Variants in RHOBTB3 observed in about 807,000 individuals in gnomAD.
The protein encoded by RHOBTB3 is rho-related BTB domain-containing protein 3.
In RHOBTB3, 47 loss-of-function variants were observed where a neutral mutation model predicts 67.2. The ratio of observed to expected loss-of-function variants is 0.70; its 90% CI spans 0.55 to 0.89. The LOEUF (loss-of-function observed/expected upper bound fraction) is 0.89. Ranked by LOEUF, RHOBTB3 falls within the 40% of genes least tolerant of loss-of-function variation. RHOBTB3 has a pLI of 0.00. For missense variants in RHOBTB3, 631 were observed against 750.0 expected (o/e 0.84, Z 1.85); for synonymous variants, 273 against 274.2 (o/e 1.00, Z 0.04).
At chr5:95,748,064 G>A (rs528984815) in intron 3 of RHOBTB3, among the ~76,000 whole-genome samples, 18 of 152,208 alleles carry the variant, frequency 1.2e-4, no homozygotes, top group African/African-American at 3.4e-4. Flanking sequence ...GCAGGCCCAC[G>A]AGTACTGGTT....
At chr5:95,792,011 G>A (rs966898604) in intron 11 of RHOBTB3, among the ~76,000 whole-genome samples, 2 of 152,122 alleles carry the variant, frequency 1.3e-5, no homozygotes, top group African/African-American at 4.8e-5. Flanking sequence ...TGACAGTTGT[G>A]CTTCACCAAA....
chr5:95,751,456 C>T (rs1245302501), intron 4 of RHOBTB3: 4 of 147,832 alleles, frequency 2.7e-5, no homozygotes, highest in Non-Finnish European at 5.9e-5. Context: ...AGTGATACTC[C>T]ATTTCTAAAA....
upstream of RHOBTB3, among the ~76,000 whole-genome samples, chr5:95,728,534 G>C (rs1433196113): frequency 6.6e-6 from 1 of 152,084 alleles, no homozygotes; most frequent in African/African-American, 2.4e-5. Context: ...CTTTTACTTT[G>C]TACCTATCTC....
chr5:95,767,429 C>G (rs1019353267), intron 7 of RHOBTB3, among the ~76,000 whole-genome samples: 2 of 151,932 alleles, frequency 1.3e-5, no homozygotes, highest in African/African-American at 2.4e-5. Flanking sequence ...CCTCTGCCCC[C>G]TGGGTTCAAG....
At chr5:95,772,039 G>T (rs1745730318) in intron 8 of RHOBTB3, among the ~76,000 whole-genome samples, 1 of 152,206 alleles carries the variant, frequency 6.6e-6, no homozygotes, top group Non-Finnish European at 1.5e-5. Context: ...GGAGATGGCT[G>T]AATGCTGTCT....
chr5:95,726,959 T>TC (rs1755072126), upstream of RHOBTB3, among the ~76,000 whole-genome samples: 1 of 150,782 alleles, frequency 6.6e-6, no homozygotes, highest in Non-Finnish European at 1.5e-5. Flanking sequence ...TAATTTCGTT[T>TC]CCCCCCTTTT....
intron 3 of RHOBTB3, among the ~76,000 whole-genome samples, chr5:95,738,644 A>C (rs1201006719): frequency 1.3e-5 from 2 of 151,916 alleles, no homozygotes; most frequent in Non-Finnish European, 2.9e-5. Context: ...TGCAGCAGGA[A>C]GGTCTCACCA....
chr5:95,742,512 G>A (rs750259229), intron 3 of RHOBTB3, among the ~76,000 whole-genome samples: 1 of 152,014 alleles, frequency 6.6e-6, no homozygotes, highest in Non-Finnish European at 1.5e-5. Flanking sequence ...CTTCTTTTGG[G>A]ACTTTTGTTA....
intron 3 of RHOBTB3, among the ~76,000 whole-genome samples, chr5:95,744,292 C>A (rs148020472): frequency 2.9e-3 from 435 of 152,330 alleles, no homozygotes; most frequent in African/African-American, 9.8e-3. Context: ...TCACACTTAT[C>A]TTTTAAATCA....
At chr5:95,749,684 TG>T (rs1262079743) in intron 4 of RHOBTB3, among the ~76,000 whole-genome samples, 1 of 152,202 alleles carries the variant, frequency 6.6e-6, no homozygotes, top group Non-Finnish European at 1.5e-5. Context: ...CTAAAATACC[TG>T]GGAAGCTGGA....
At chr5:95,732,113 G>C (rs1393448860) in intron 2 of RHOBTB3, 29 bp downstream of exon 2, 1 of 1,600,140 alleles carries the variant, frequency 6.2e-7, no homozygotes, top group Non-Finnish European at 8.6e-7. Flanking sequence ...TCCGCGCTGA[G>C]GCTGAAGAAG....
upstream of RHOBTB3, among the ~76,000 whole-genome samples, chr5:95,727,483 A>G (rs1755090624): frequency 6.6e-6 from 1 of 152,196 alleles, no homozygotes; most frequent in African/African-American, 2.4e-5. Flanking sequence ...CATCTTATTT[A>G]GGGATAAAAA....
rs1259531550 is a variant in RHOBTB3 at position 95,748,332 on chromosome 5, G to C, written c.416-1G>C. ...CTTTGTTTTAAAATTTGTTTTCTCA[G>C]AAGAGTTACCTTGTACATGCCCACT... On this transcript the variant is annotated splice_acceptor_variant, in intron 3 of 11. Transcript: ENST00000379982. LOFTEE classifies it high-confidence loss of function. 6.3e-7 allele frequency: 1 copy of C among 1,584,260 alleles called. No individual in the cohort carries two copies. The highest frequency in any genetic ancestry group is 1.2e-5 in the South Asian group (1 of 85,782).
intron 8 of RHOBTB3, among the ~76,000 whole-genome samples, chr5:95,779,395 G>C (rs1437356678): frequency 6.6e-6 from 1 of 152,138 alleles, no homozygotes; most frequent in Non-Finnish European, 1.5e-5. Context: ...AGTGATCCAG[G>C]CTGAACTGAA....
At chr5:95,718,170 T>C (rs180960513) in intron 1 of RHOBTB3, among the ~76,000 whole-genome samples, 1 of 152,292 alleles carries the variant, frequency 6.6e-6, no homozygotes, top group African/African-American at 2.4e-5. Flanking sequence ...TTTTTTTTTC[T>C]TTTAAAAAAA....
At chr5:95,776,754 GT>G (rs555886898) in intron 8 of RHOBTB3, among the ~76,000 whole-genome samples, 29 of 152,186 alleles carry the variant, frequency 1.9e-4, no homozygotes, top group Middle Eastern at 6.8e-3. Context: ...GGTTCTTTTG[GT>G]TTTTTGCCTA....
chr5:95,726,018 A>G (rs753314856), upstream of RHOBTB3, among the ~76,000 whole-genome samples: 3 of 152,308 alleles, frequency 2.0e-5, no homozygotes, highest in Non-Finnish European at 4.4e-5. Context: ...TATTTCATTT[A>G]TTGGAACACA....
chr5:95,769,118 G>GT, intron 8 of RHOBTB3: 1 of 370,686 alleles, frequency 2.7e-6, no homozygotes, highest in Non-Finnish European at 5.3e-6. Context: ...ATTCTTCAAG[G>GT]TGTCGACCTT....
At chr5:95,768,311 C>A in intron 8 of RHOBTB3, 145 bp downstream of exon 8, 1 of 577,606 alleles carries the variant, frequency 1.7e-6, no homozygotes, top group Non-Finnish European at 2.9e-6. Flanking sequence ...TTAATGTCAA[C>A]AAAATCTTCC....
Sources: gnomAD v4.1 joint callset for allele counts (sites outside exome capture counted in the v4.1 genomes callset) on GRCh38, gnomAD v4.1.1 for gene constraint, MANE v1.5 for transcripts, NCBI Gene and HGNC (gene_info 2026-07-23, HGNC 2026-07-21) for gene names.